CLASP2: variants seen among roughly 807,000 people sequenced by gnomAD.
The protein encoded by CLASP2 is CLIP-associating protein 2.
A neutral mutation model predicts 194.4 loss-of-function variants in CLASP2; 47 were observed. The observed-to-expected ratio is 0.24, with a 90% CI of 0.19 to 0.31. The LOEUF is 0.31. Among genes scored for constraint, CLASP2 ranks in the 10% least tolerant of loss-of-function variants. The pLI is 1.00. For missense variants in CLASP2, 1,445 were observed against 1,823.6 expected (o/e 0.79, Z 3.78); for synonymous variants, 619 against 633.5 (o/e 0.98, Z 0.34).
chr3:33,668,459 G>A (rs2154336389), intron 6 of CLASP2, among the ~76,000 whole-genome samples: 1 of 152,174 alleles, frequency 6.6e-6, no homozygotes, highest in South Asian at 2.1e-4. Context: ...TATAACAAAA[G>A]AATACTTGTT....
chr3:33,587,543 C>G (rs2154220499), intron 21 of CLASP2, among the ~76,000 whole-genome samples: 1 of 152,200 alleles, frequency 6.6e-6, no homozygotes, highest in South Asian at 2.1e-4. Flanking sequence ...TTAGTGATAA[C>G]AATATTGTAA....
intron 27 of CLASP2, among the ~76,000 whole-genome samples, 161 bp downstream of exon 27, chr3:33,566,571 C>T (rs1308946232): frequency 2.0e-5 from 3 of 152,176 alleles, no homozygotes; most frequent in Non-Finnish European, 4.4e-5. Flanking sequence ...AAAAGCATAT[C>T]TCCAAACAGA....
chr3:33,688,537 T>C (rs927917595), intron 3 of CLASP2, among the ~76,000 whole-genome samples, 169 bp from the exon 4 acceptor site: 2 of 152,228 alleles, frequency 1.3e-5, no homozygotes, highest in Admixed American at 6.5e-5. Context: ...AATTACACAA[T>C]TGCTCTCACC....
intron 18 of CLASP2, 77 bp downstream of exon 18, chr3:33,602,875 G>T: frequency 7.6e-7 from 1 of 1,312,244 alleles, no homozygotes; most frequent in Non-Finnish European, 1.1e-6. Flanking sequence ...GAATAGAAAT[G>T]ATTAAGGTAT....
chr3:33,573,060 C>G, intron 25 of CLASP2, 50 bp downstream of exon 25: 1 of 1,597,776 alleles, frequency 6.3e-7, no homozygotes, highest in African/African-American at 1.3e-5. Context: ...AAAGTAAAAT[C>G]AAAAAGCGCT....
chr3:33,532,269 C>G (rs992954743), intron 34 of CLASP2, among the ~76,000 whole-genome samples: 1 of 152,022 alleles, frequency 6.6e-6, no homozygotes, highest in Non-Finnish European at 1.5e-5. Context: ...ATAAGCCAGT[C>G]ACAAAATGAC....
chr3:33,618,871 G>A (rs2076650300), intron 12 of CLASP2, among the ~76,000 whole-genome samples: 1 of 152,144 alleles, frequency 6.6e-6, no homozygotes, highest in Non-Finnish European at 1.5e-5. Flanking sequence ...AGATATGAGT[G>A]AAGAGAAATA....
chr3:33,704,083 G>A (rs534251806), intron 1 of CLASP2, among the ~76,000 whole-genome samples: 3 of 152,182 alleles, frequency 2.0e-5, no homozygotes, highest in African/African-American at 7.2e-5. Context: ...CAGGGATTGG[G>A]GAAGGAGGAA....
At chr3:33,573,045 G>A in intron 25 of CLASP2, 65 bp downstream of exon 25, 1 of 1,576,528 alleles carries the variant, frequency 6.3e-7, no homozygotes, top group Non-Finnish European at 8.6e-7. Flanking sequence ...AAGTGTTATA[G>A]AAACAAAGTA....
At chr3:33,513,952 G>T (rs1477897154) in intron 36 of CLASP2, among the ~76,000 whole-genome samples, 1 of 152,096 alleles carries the variant, frequency 6.6e-6, no homozygotes, top group African/African-American at 2.4e-5. Flanking sequence ...TCAGGATAAT[G>T]TCCTTTGAAG....
chr3:33,695,628 C>A (rs1297613107), intron 2 of CLASP2, among the ~76,000 whole-genome samples: 2 of 151,982 alleles, frequency 1.3e-5, no homozygotes, highest in Non-Finnish European at 2.9e-5. Context: ...TATTAGGAGG[C>A]ATTAACTTAA....
chr3:33,660,001 C>A (rs1246242224), intron 7 of CLASP2, among the ~76,000 whole-genome samples: 1 of 152,190 alleles, frequency 6.6e-6, no homozygotes, highest in Non-Finnish European at 1.5e-5. Context: ...CAATTCTTTT[C>A]CTAGCAACTG....
chr3:33,609,968 TCA>T lies in CLASP2; in HGVS notation c.1389-1344_1389-1343del, dbSNP rs140030358. 2.0e-3 allele frequency among the ~76,000 whole-genome samples: 312 copies of T among 152,316 alleles called. 1 individual carries two copies. The East Asian group carries it at 0.041, about 20-fold the overall frequency. The stretch of plus-strand genomic sequence containing the variant: ...AACCTTGGCATTCTGACTCCAGAAC[TCA>T]CAGTCTGAAGCACTTAACACCACCC... On this transcript the variant is annotated intron_variant, in intron 13 of 38. Coordinates refer to ENST00000682230, the MANE Select transcript of CLASP2 (RefSeq NM_001365631.1).
At chr3:33,706,841 T>C (rs924413197) in intron 1 of CLASP2, among the ~76,000 whole-genome samples, 3 of 152,018 alleles carry the variant, frequency 2.0e-5, no homozygotes, top group African/African-American at 4.8e-5. Flanking sequence ...GGTGTGCGCC[T>C]GTAGTCCCAG....
intron 1 of CLASP2, among the ~76,000 whole-genome samples, chr3:33,713,867 G>A (rs562097096): frequency 7.9e-5 from 12 of 152,238 alleles, no homozygotes; most frequent in African/African-American, 2.9e-4. Flanking sequence ...TATGGTTGCA[G>A]ATGAAATGTA....
chr3:33,692,655 C>T (rs1158007267), intron 2 of CLASP2, among the ~76,000 whole-genome samples: 2 of 152,154 alleles, frequency 1.3e-5, no homozygotes, highest in Non-Finnish European at 2.9e-5. Context: ...CCTCACATGA[C>T]TAGTGACAGG....
intron 6 of CLASP2, among the ~76,000 whole-genome samples, chr3:33,679,136 T>A (rs1179562847): frequency 6.6e-6 from 1 of 152,038 alleles, no homozygotes; most frequent in Non-Finnish European, 1.5e-5. Flanking sequence ...ATATAAAGAA[T>A]AAAAGATAGT....
chr3:33,667,703 T>C (rs944655032), intron 6 of CLASP2, among the ~76,000 whole-genome samples: 1 of 152,114 alleles, frequency 6.6e-6, no homozygotes, highest in Non-Finnish European at 1.5e-5. Context: ...TTCTTTTGCC[T>C]GGGGATATCC....
chr3:33,552,866 C>T (rs1196090566), intron 29 of CLASP2, among the ~76,000 whole-genome samples: 2 of 152,106 alleles, frequency 1.3e-5, no homozygotes, highest in Admixed American at 6.6e-5. Context: ...CATTCCACAT[C>T]CCCTCATTAG....
Sources: gnomAD v4.1 joint callset for allele counts (sites outside exome capture counted in the v4.1 genomes callset) on GRCh38, gnomAD v4.1.1 for gene constraint, MANE v1.5 for transcripts, NCBI Gene and HGNC (gene_info 2026-07-23, HGNC 2026-07-21) for gene names.